The following ALK variants were observed in gnomAD, a reference collection of about 807,000 sequenced individuals.
ALK encodes ALK tyrosine kinase receptor.
A neutral mutation model predicts 163.1 loss-of-function variants in ALK; 74 were observed. That is an observed-to-expected ratio of 0.45 (90% CI 0.38 to 0.55). ALK has a LOEUF of 0.55. ALK is among the 20% of genes least tolerant of loss of function. The pLI is 0.00. For synonymous variants in ALK, 960 were observed against 843.2 expected (o/e 1.14, Z -2.40); for missense variants, 2,063 against 2,105.3 (o/e 0.98, Z 0.39).
intron 3 of ALK, among the ~76,000 whole-genome samples, chr2:29,637,778 A>G (rs1312172871): frequency 6.6e-6 from 1 of 151,472 alleles, no homozygotes; most frequent in Admixed American, 6.6e-5. Flanking sequence ...CAATGTCAAT[A>G]TCATGGTTGT....
intron 19 of ALK, 79 bp from the exon 20 acceptor site, chr2:29,223,607 G>T (rs1669871129): frequency 1.1e-5 from 16 of 1,447,020 alleles, no homozygotes; most frequent in Admixed American, 3.7e-5. Context: ...CCTACAGGAA[G>T]CCTCCCTGGA....
At chr2:29,560,831 C>T (rs1265152482) in intron 3 of ALK, among the ~76,000 whole-genome samples, 1 of 152,154 alleles carries the variant, frequency 6.6e-6, no homozygotes, top group African/African-American at 2.4e-5. Context: ...CTTGGCCTCC[C>T]AAAATGCTGG....
intron 3 of ALK, among the ~76,000 whole-genome samples, chr2:29,559,615 A>G (rs1422465301): frequency 6.6e-6 from 1 of 150,960 alleles, no homozygotes; most frequent in African/African-American, 2.4e-5. Context: ...TCAAGAAGAC[A>G]TGGATGAATT....
intron 4 of ALK, among the ~76,000 whole-genome samples, chr2:29,434,925 C>T (rs889378201): frequency 2.6e-5 from 4 of 152,202 alleles, no homozygotes; most frequent in African/African-American, 9.7e-5. Context: ...AATCTTCTAG[C>T]TCAAAGCTGT....
At position 29,717,649 on chromosome 2, in the gene ALK, TCAG is replaced by T; in HGVS notation, c.713_715del (p.Pro238_Asp239delinsHis). Reference sequence around the variant, plus strand: ...CCAGGTGAGATTCCATGTAAAATAATCAGGAGAAGGAGAAGGCATGTTTGTTGG... The same window carrying T: ...CCAGGTGAGATTCCATGTAAAATAATGAGAAGGAGAAGGCATGTTTGTTGG... On this transcript the variant is annotated inframe_deletion, in exon 2 of 29. Transcript: ENST00000389048. 1 of 1,613,982 alleles carries T rather than the reference TCAG, an allele frequency of 6.2e-7. No homozygotes were observed. Among genetic ancestry groups the T allele is most frequent in the Non-Finnish European group, 8.5e-7 (1 of 1,179,900 alleles).
At chr2:29,693,943 G>A (rs777881763) in intron 3 of ALK, among the ~76,000 whole-genome samples, 12 of 152,216 alleles carry the variant, frequency 7.9e-5, no homozygotes, top group Admixed American at 2.0e-4. Context: ...ATGAGACAGC[G>A]TAGGTGGGAG....
chr2:29,445,645 ACTCTGT>A (rs1670654615), intron 4 of ALK, among the ~76,000 whole-genome samples: 2 of 151,712 alleles, frequency 1.3e-5, no homozygotes, highest in Non-Finnish European at 2.9e-5. Context: ...ACATGGTGAA[ACTCTGT>A]CTCTACTAAA....
chr2:29,553,396 A>G lies in ALK; in HGVS notation c.953-21280T>C, dbSNP rs1573451165. On this transcript the variant is annotated intron_variant, in intron 3 of 28. Transcript: ENST00000389048. ...CAGAACTGCGAGAAATAAAATTTCA[A>G]TTGTTTATAAACCATTCAGTCTCAG... Among the ~76,000 whole-genome samples, 3 of 152,346 alleles carry G rather than the reference A, an allele frequency of 2.0e-5. 1 individual carries two copies. The highest frequency in any genetic ancestry group is 2.0e-4 in the Admixed American group (3 of 15,294).
At chr2:29,540,861 A>C (rs1673394547) in intron 3 of ALK, among the ~76,000 whole-genome samples, 1 of 152,212 alleles carries the variant, frequency 6.6e-6, no homozygotes, top group Non-Finnish European at 1.5e-5. Context: ...TTACCACAGC[A>C]AATTATATAT....
chr2:29,297,553 G>A (rs1420426123), intron 8 of ALK, among the ~76,000 whole-genome samples: 2 of 152,180 alleles, frequency 1.3e-5, no homozygotes, highest in African/African-American at 4.8e-5. Flanking sequence ...ATGGTGTCAT[G>A]TCACATGTCA....
chr2:29,605,789 G>A (rs1464840097), intron 3 of ALK, among the ~76,000 whole-genome samples: 3 of 152,282 alleles, frequency 2.0e-5, no homozygotes, highest in African/African-American at 7.2e-5. Context: ...CCCAGTGAAG[G>A]CACCAGCTTA....
At chr2:29,528,970 G>A (rs765941287) in intron 4 of ALK, among the ~76,000 whole-genome samples, 1 of 152,170 alleles carries the variant, frequency 6.6e-6, no homozygotes, top group Non-Finnish European at 1.5e-5. Context: ...GCCAAAGCCC[G>A]GCAGCCTTGG....
intron 1 of ALK, among the ~76,000 whole-genome samples, chr2:29,809,992 C>A (rs548227311): frequency 1.3e-5 from 2 of 152,318 alleles, no homozygotes; most frequent in South Asian, 4.1e-4. Flanking sequence ...CCATTGACAA[C>A]TGAGTCTAAT....
chr2:29,239,694 C>T lies in ALK; in HGVS notation c.2341G>A (p.Asp781Asn), dbSNP rs770435688. The T allele has an allele frequency of 6.2e-7, 1 of 1,613,964 alleles. No homozygotes were observed. Among genetic ancestry groups the T allele is most frequent in the Non-Finnish European group, 8.5e-7 (1 of 1,180,030 alleles). The change falls in exon 13 of 29, where the codon GAC becomes AAC. Residue 781 changes from aspartate to asparagine, a missense_variant. Asp to Asn is a conservative substitution (Grantham distance 23). This residue lies in a region of ALK where 575 missense variants were observed against 626.6 expected (regional missense o/e 0.92). Coordinates refer to ENST00000389048, the MANE Select transcript of ALK (RefSeq NM_004304.5). ...LYILVGQQGE[D>N]ACPSTNQLIQ... ...TGGGCACTTACACTGGGGCAGGCGT[C>T]CTCTCCCTGCTGCCCAACCAGGATG...
At chr2:29,867,147 G>C (rs987673116) in intron 1 of ALK, among the ~76,000 whole-genome samples, 1 of 152,146 alleles carries the variant, frequency 6.6e-6, no homozygotes, top group Non-Finnish European at 1.5e-5. Context: ...TAGAATGTTA[G>C]ATTTAAAAGA....
intron 12 of ALK, among the ~76,000 whole-genome samples, chr2:29,247,584 G>A (rs1664714515): frequency 6.6e-6 from 1 of 152,238 alleles, no homozygotes; most frequent in South Asian, 2.1e-4. Flanking sequence ...CCTTTGTGGA[G>A]GTGGGCAAAG....
chr2:29,748,263 G>A (rs1320866714), intron 1 of ALK, among the ~76,000 whole-genome samples: 1 of 152,146 alleles, frequency 6.6e-6, no homozygotes, highest in African/African-American at 2.4e-5. Context: ...AGGACCCATG[G>A]GACACTAGTA....
chr2:29,555,339 T>C (rs968052554), intron 3 of ALK, among the ~76,000 whole-genome samples: 4 of 151,894 alleles, frequency 2.6e-5, no homozygotes. Context: ...ACTTCACTCA[T>C]TTACTTTACC....
intron 3 of ALK, among the ~76,000 whole-genome samples, chr2:29,554,494 C>T (rs1202095084): frequency 1.3e-5 from 2 of 152,166 alleles, no homozygotes; most frequent in African/African-American, 4.8e-5. Context: ...TCTGCACTGA[C>T]TTTTAGATTT....
Sources: allele counts gnomAD v4.1 joint callset (sites outside exome capture counted in the v4.1 genomes callset), GRCh38; gene constraint gnomAD v4.1.1; regional missense constraint gnomAD v4.1.1; transcripts MANE v1.5; gene names NCBI Gene and HGNC (gene_info 2026-07-23, HGNC 2026-07-21).